Variants in MMP11 observed in about 807,000 individuals in gnomAD.
MMP11 encodes stromelysin-3.
Under a neutral mutation model 49.5 loss-of-function variants are expected in MMP11, and 26 were observed. The ratio of observed to expected loss-of-function variants is 0.52; its 90% CI spans 0.38 to 0.73. The LOEUF (loss-of-function observed/expected upper bound fraction) is 0.73. Ranked by LOEUF, MMP11 falls within the 30% of genes least tolerant of loss-of-function variation. The pLI, the probability that MMP11 is intolerant of heterozygous loss-of-function variation, is 0.00. For missense variants in MMP11, 624 were observed against 671.2 expected (o/e 0.93, Z 0.78); for synonymous variants, 265 against 282.3 (o/e 0.94, Z 0.62).
At chr22:23,777,158 C>G (rs1248976854) in intron 1 of MMP11, among the ~76,000 whole-genome samples, 1 of 140,208 alleles carries the variant, frequency 7.1e-6, no homozygotes, top group African/African-American at 2.9e-5. Context: ...CGCGGTGGCT[C>G]ACGCCTGTAA....
In MMP11 at chr22:23,783,706, G is replaced by C; in HGVS notation, c.*162G>C. ...GTACAACCACCATGACAACTGCCGG[G>C]AGGGCCACGCAGGTCGTGGTCACCT... On this transcript the variant is annotated 3_prime_UTR_variant, in exon 8 of 8. Coordinates refer to ENST00000215743, the MANE Select transcript of MMP11 (RefSeq NM_005940.5). The C allele has an allele frequency of 1.0e-6, 1 of 966,840 alleles. No individual in the cohort carries two copies. The highest frequency in any genetic ancestry group is 2.3e-5 in the Admixed American group (1 of 43,702). 59.9% of individuals were successfully genotyped at this position (966,840 alleles called of 1,614,324 possible).
intron 7 of MMP11, among the ~76,000 whole-genome samples, chr22:23,783,085 A>G (rs1927701403): frequency 6.6e-6 from 1 of 152,134 alleles, no homozygotes; most frequent in Non-Finnish European, 1.5e-5. Context: ...GGCTAATTTA[A>G]TAGATGCAGG....
Position 23,779,394 on chromosome 22 carries a change from G to A in MMP11, c.316G>A (p.Glu106Lys), listed in dbSNP as rs777543239. The change falls in exon 2 of 8, where the codon GAG becomes AAG. Residue 106 changes from glutamate (E) to lysine (K), a missense_variant. Glu to Lys is a moderately conservative substitution (Grantham distance 56). Coordinates refer to ENST00000215743, the MANE Select transcript of MMP11 (RefSeq NM_005940.5). ...KRFVLSGGRW[E>K]KTDLTYRILR... The stretch of plus-strand genomic sequence containing the variant: ...GTTCGTGCTTTCTGGCGGGCGCTGG[G>A]AGAAGACGGACCTCACCTACAGGTA... 1.2e-6 allele frequency: 2 copies of A among 1,612,250 alleles called. No individual in the cohort carries two copies. The highest frequency in any genetic ancestry group is 1.7e-6 in the Non-Finnish European group (2 of 1,179,604).
intron 1 of MMP11, among the ~76,000 whole-genome samples, chr22:23,774,197 G>A (rs1461739646): frequency 6.6e-6 from 1 of 152,196 alleles, no homozygotes; most frequent in African/African-American, 2.4e-5. Context: ...TCTCTAATGG[G>A]AGTGCAGGTG....
intron 1 of MMP11, among the ~76,000 whole-genome samples, chr22:23,773,716 T>C (rs994013542): frequency 2.0e-5 from 3 of 152,146 alleles, no homozygotes; most frequent in Non-Finnish European, 4.4e-5. Flanking sequence ...ACAGCTTGCA[T>C]GTGTCCCAAA....
chr22:23,773,201 G>T (rs758988802), intron 1 of MMP11, among the ~76,000 whole-genome samples: 17 of 152,190 alleles, frequency 1.1e-4, no homozygotes, highest in Non-Finnish European at 1.9e-4. Context: ...TGGTGGGACG[G>T]GACTCCACGC....
rs1444366306 is a variant in MMP11 at position 23,781,041 on chromosome 22, A to G, written c.799A>G (p.Arg267Gly). Residue 267 changes from arginine (R) to glycine (G), a missense_variant, in exon 5 of 8, where the codon AGG becomes GGG. Physicochemically the swap from Arg to Gly is moderately radical, Grantham distance 125. Coordinates refer to ENST00000215743, the MANE Select transcript of MMP11 (RefSeq NM_005940.5). The stretch of plus-strand genomic sequence containing the variant: ...CCAGCCCTGGCCCACTGTCACCTCC[A>G]GGACCCCAGCCCTGGGCCCCCAGGC... ...YGQPWPTVTS[R>G]TPALGPQAGI... The G allele has an allele frequency of 6.2e-7, 1 of 1,611,852 alleles. No individual in the cohort carries two copies. The highest frequency in any genetic ancestry group is 1.1e-5 in the South Asian group (1 of 91,082).
At chr22:23,778,104 G>C (rs903711308) in intron 1 of MMP11, among the ~76,000 whole-genome samples, 6 of 152,246 alleles carry the variant, frequency 3.9e-5, no homozygotes, top group African/African-American at 1.4e-4. Context: ...CAGGTGCTGA[G>C]TCTCTCAGCA....
Position 23,781,323 on chromosome 22 carries a change from C to T in MMP11, c.989C>T (p.Ala330Val), listed in dbSNP as rs1252696138. 4 of 1,613,258 alleles carry T rather than the reference C, an allele frequency of 2.5e-6. No individual in the cohort carries two copies. Among genetic ancestry groups the T allele is most frequent in the Non-Finnish European group, 3.4e-6 (4 of 1,180,002 alleles). Residue 330 changes from alanine to valine, a missense_variant, in exon 6 of 8, where the codon GCA becomes GTA. Ala to Val is a moderately conservative substitution (Grantham distance 64). Coordinates refer to ENST00000215743, the MANE Select transcript of MMP11 (RefSeq NM_005940.5). The part of the protein sequence containing the change: ...RGGQLQPGYP[A>V]LASRHWQGLP... Reference sequence around the variant, plus strand: ...GGCCAGCTGCAGCCCGGCTACCCAGCATTGGCCTCTCGCCACTGGCAGGGA... The same window carrying T: ...GGCCAGCTGCAGCCCGGCTACCCAGTATTGGCCTCTCGCCACTGGCAGGGA...
At chr22:23,774,381 C>T (rs1270735630) in intron 1 of MMP11, among the ~76,000 whole-genome samples, 1 of 152,182 alleles carries the variant, frequency 6.6e-6, no homozygotes, top group African/African-American at 2.4e-5. Flanking sequence ...TGTCACTCTG[C>T]AAACACGCAG....
At chr22:23,776,039 A>T (rs1252653321) in intron 1 of MMP11, among the ~76,000 whole-genome samples, 1 of 152,172 alleles carries the variant, frequency 6.6e-6, no homozygotes, top group African/African-American at 2.4e-5. Flanking sequence ...TCTGAACCTC[A>T]GTGGCTGGCT....
chr22:23,779,651 T>A, intron 2 of MMP11: 1 of 571,460 alleles, frequency 1.7e-6, no homozygotes, highest in Non-Finnish European at 3.1e-6. Context: ...TCCGTCATCA[T>A]GCAAAGAGTC....
At chr22:23,782,033 A>T in intron 6 of MMP11, 193 bp from the exon 7 acceptor site, 1 of 805,998 alleles carries the variant, frequency 1.2e-6, no homozygotes, top group Non-Finnish European at 2.0e-6. Flanking sequence ...CAGAGCATTC[A>T]CTGCCCCAGC....
In MMP11 at chr22:23,780,310, T is replaced by C. The variant is rs1462382171; in HGVS notation, c.339-49T>C. 1.2e-6 allele frequency: 2 copies of C among 1,610,666 alleles called. No individual in the cohort carries two copies. Among genetic ancestry groups the C allele is most frequent in the Admixed American group, 3.3e-5 (2 of 59,978 alleles). On this transcript the variant is annotated intron_variant, in intron 2 of 7. Transcript: ENST00000215743. The surrounding 1 kb of genome is among the most constrained non-coding windows in gnomAD (Gnocchi z 4.6). ...GGGGCAACTCCTGGTGCCTCAGCCATCGGGGGCTGTCCCTTCCCTGAGGCC... is the reference window on the plus strand; with the variant it reads ...GGGGCAACTCCTGGTGCCTCAGCCACCGGGGGCTGTCCCTTCCCTGAGGCC...
In MMP11 at chr22:23,780,238, T is replaced by G; in HGVS notation, c.339-121T>G. 8.0e-7 allele frequency: 1 copy of G among 1,249,634 alleles called. No individual in the cohort carries two copies. The highest frequency in any genetic ancestry group is 1.1e-6 in the Non-Finnish European group (1 of 888,100). 77.4% of individuals were successfully genotyped at this position (1,249,634 alleles called of 1,614,324 possible). ...AGTGCGCTGAAGCTGAGGCCCAGAG[T>G]ACACCTGGCCTGTGTCCTGAGTGTT... On this transcript the variant is annotated intron_variant, in intron 2 of 7. Coordinates refer to ENST00000215743, the MANE Select transcript of MMP11 (RefSeq NM_005940.5). This position sits in a 1 kb window ranked among gnomAD's most constrained non-coding sequence, Gnocchi z 4.6.
intron 6 of MMP11, chr22:23,781,973 C>T (rs1354762093): frequency 8.8e-6 from 6 of 678,744 alleles, no homozygotes; most frequent in South Asian, 1.7e-5. Flanking sequence ...GGAGCAGCCG[C>T]CCAGGCAGCC....
chr22:23,782,569 C>A (rs1927679071), intron 7 of MMP11, 86 bp downstream of exon 7: 1 of 1,462,516 alleles, frequency 6.8e-7, no homozygotes, highest in South Asian at 1.3e-5. Context: ...CACATGCCTG[C>A]CACAGGAAGT....
rs368171608 is a variant in MMP11 at position 23,782,414 on chromosome 22, G to A, written c.1264G>A (p.Val422Met). The change falls in exon 7 of 8, where the codon GTG becomes ATG. Residue 422 changes from valine to methionine, a missense_variant. Transcript: ENST00000215743. ...CAGCACCCGGCGTGTAGACAGTCCC[G>A]TGCCCCGCAGGGCCACTGACTGGAG... ...HPSTRRVDSP[V>M]PRRATDWRGV... is the part of the protein sequence containing the mutation. The A allele has an allele frequency of 2.2e-5, 35 of 1,613,644 alleles. No individual in the cohort carries two copies. The highest frequency in any genetic ancestry group is 1.1e-4 in the African/African-American group (8 of 74,910).
intron 2 of MMP11, chr22:23,779,741 C>T (rs1927548039): frequency 4.7e-6 from 2 of 421,858 alleles, no homozygotes; most frequent in African/African-American, 2.0e-5. Context: ...CTCTGGGACT[C>T]CACGGTGAAT....
Sources: gnomAD v4.1 joint callset for allele counts (sites outside exome capture counted in the v4.1 genomes callset) on GRCh38, gnomAD v4.1.1 for gene constraint, Gnocchi (gnomAD v3.1) non-coding constraint, MANE v1.5 for transcripts, NCBI Gene and HGNC (gene_info 2026-07-23, HGNC 2026-07-21) for gene names.